PLEKHA5: variants seen among roughly 807,000 people sequenced by gnomAD.
The protein encoded by PLEKHA5 is pleckstrin homology domain containing A5.
A neutral mutation model predicts 181.9 loss-of-function variants in PLEKHA5; 55 were observed. The ratio of observed to expected loss-of-function variants is 0.30; its 90% CI spans 0.24 to 0.38. The LOEUF is 0.38. PLEKHA5 is among the 10% of genes least tolerant of loss of function. The pLI is 1.00. For synonymous variants in PLEKHA5, 535 were observed against 529.4 expected (o/e 1.01, Z -0.15); for missense variants, 1,432 against 1,549.5 (o/e 0.92, Z 1.27).
At chr12:19,307,052 CA>C (rs2084108765) in intron 15 of PLEKHA5, 2 of 1,434,184 alleles carry the variant, frequency 1.4e-6, no homozygotes, top group Admixed American at 3.4e-5. Flanking sequence ...CTTCCTGGAG[CA>C]AACTTGAACT....
intron 3 of PLEKHA5, among the ~76,000 whole-genome samples, chr12:19,247,215 G>T (rs1361515918): frequency 1.3e-5 from 2 of 152,176 alleles, no homozygotes; most frequent in African/African-American, 4.8e-5. Context: ...TACAGTTTTA[G>T]TTATTTATAT....
chr12:19,280,040 T>TG (rs1158221247), intron 11 of PLEKHA5, among the ~76,000 whole-genome samples: 2 of 98,430 alleles, frequency 2.0e-5, no homozygotes, highest in African/African-American at 1.1e-4. Context: ...AAACCTGTTT[T>TG]TTTTTTTTTT....
chr12:19,288,334 G>A (rs1317419829), intron 13 of PLEKHA5, among the ~76,000 whole-genome samples: 2 of 152,176 alleles, frequency 1.3e-5, no homozygotes, highest in African/African-American at 4.8e-5. Context: ...ATCAAAGCAA[G>A]TATTTACCAT....
At chr12:19,181,662 G>A (rs528646099) in intron 3 of PLEKHA5, among the ~76,000 whole-genome samples, 97 of 152,262 alleles carry the variant, frequency 6.4e-4, no homozygotes, top group Non-Finnish European at 1.2e-3. Flanking sequence ...TGTAATCCCA[G>A]CTGCTCGGGA....
intron 3 of PLEKHA5, among the ~76,000 whole-genome samples, chr12:19,173,718 G>A (rs2046545149): frequency 6.6e-6 from 1 of 152,138 alleles, no homozygotes; most frequent in Non-Finnish European, 1.5e-5. Context: ...ATAGCTTAAG[G>A]TGTCATGTTT....
chr12:19,151,443 C>T (rs994939696), intron 3 of PLEKHA5: 4 of 124,826 alleles, frequency 3.2e-5, no homozygotes, highest in East Asian at 4.6e-4. Context: ...CAGTAGACTC[C>T]TAGAGAAAGG....
intron 3 of PLEKHA5, among the ~76,000 whole-genome samples, chr12:19,204,929 G>T (rs1022049811): frequency 3.3e-5 from 5 of 152,020 alleles, no homozygotes; most frequent in African/African-American, 1.2e-4. Flanking sequence ...ATTTATCACT[G>T]GTCCCATTTA....
At chr12:19,363,138 TG>T (rs2095312513) in intron 29 of PLEKHA5, among the ~76,000 whole-genome samples, 1 of 151,064 alleles carries the variant, frequency 6.6e-6, no homozygotes, top group African/African-American at 2.4e-5. Context: ...TTTTTGTTGT[TG>T]TTTTTTTGTT....
chr12:19,240,597 C>T (rs2062359967), intron 3 of PLEKHA5, among the ~76,000 whole-genome samples: 1 of 150,638 alleles, frequency 6.6e-6, no homozygotes, highest in East Asian at 1.9e-4. Context: ...TGCACCACCT[C>T]ACCTGGCTAA....
At position 19,287,469 on chromosome 12, in the gene PLEKHA5, C is replaced by T; in HGVS notation, c.1780-4C>T. 1.3e-6 allele frequency: 2 copies of T among 1,595,456 alleles called. No individual in the cohort carries two copies. The highest frequency in any genetic ancestry group is 1.7e-6 in the Non-Finnish European group (2 of 1,166,480). Reference sequence around the variant, plus strand: ...AGAATTACATTGTGCCTTTACTTTCCTAGCATGTCTATGTGCCTGACAGAA... The same window carrying T: ...AGAATTACATTGTGCCTTTACTTTCTTAGCATGTCTATGTGCCTGACAGAA... On this transcript the variant is annotated splice_polypyrimidine_tract_variant and splice_region_variant and intron_variant, in intron 12 of 31. Transcript: ENST00000429027.
At chr12:19,333,274 A>C (rs1358742810) in intron 20 of PLEKHA5, among the ~76,000 whole-genome samples, 1 of 151,148 alleles carries the variant, frequency 6.6e-6, no homozygotes, top group Non-Finnish European at 1.5e-5. Context: ...AACAAGAGTG[A>C]AACTCCATCT....
intron 16 of PLEKHA5, among the ~76,000 whole-genome samples, chr12:19,315,668 G>A (rs536434913): frequency 6.6e-6 from 1 of 152,200 alleles, no homozygotes; most frequent in South Asian, 2.1e-4. Context: ...TCTGGCGTAT[G>A]ACCTTTACAA....
chr12:19,250,846 C>G (rs371058554), intron 3 of PLEKHA5, among the ~76,000 whole-genome samples: 2 of 151,794 alleles, frequency 1.3e-5, no homozygotes, highest in South Asian at 2.1e-4. Flanking sequence ...CATGTGTGTC[C>G]CTAAAAATCA....
At chr12:19,259,490 C>T (rs1339017070) in intron 6 of PLEKHA5, among the ~76,000 whole-genome samples, 1 of 152,054 alleles carries the variant, frequency 6.6e-6, no homozygotes, top group Admixed American at 6.5e-5. Context: ...ATGGCTCACA[C>T]CTGTTATTCC....
intron 20 of PLEKHA5, 98 bp downstream of exon 20, chr12:19,322,765 C>T: frequency 1.4e-6 from 1 of 727,852 alleles, no homozygotes; most frequent in Non-Finnish European, 2.3e-6. Flanking sequence ...TAGGATTCTT[C>T]TATATTATTA....
rs541785980 is a variant in PLEKHA5 at position 19,233,309 on chromosome 12, C to T, written c.228-20631C>T. Among the ~76,000 whole-genome samples, 9 of 152,118 alleles carry T rather than the reference C, an allele frequency of 5.9e-5. No individual in the cohort carries two copies. The South Asian group carries it at 1.7e-3, about 28-fold the overall frequency. On this transcript the variant is annotated intron_variant, in intron 3 of 31. Coordinates refer to ENST00000429027, the MANE Select transcript of PLEKHA5 (RefSeq NM_001256470.2). ...ATTTAATGTGCAGTTGTGCTTTTCT[C>T]GTACTAGTATTTTTCTGATCTGAAC...
chr12:19,242,327 G>A (rs545682641), intron 3 of PLEKHA5, among the ~76,000 whole-genome samples: 166 of 151,820 alleles, frequency 1.1e-3, no homozygotes, highest in Non-Finnish European at 2.0e-3. Context: ...CAGCCTCCGC[G>A]TCCTGGGTTC....
intron 3 of PLEKHA5, among the ~76,000 whole-genome samples, chr12:19,195,958 G>A (rs910949744): frequency 1.3e-5 from 2 of 151,922 alleles, no homozygotes; most frequent in Non-Finnish European, 2.9e-5. Flanking sequence ...TCTCTTTGTT[G>A]CAATTAAATA....
intron 20 of PLEKHA5, among the ~76,000 whole-genome samples, chr12:19,325,290 C>T (rs2091826912): frequency 6.6e-6 from 1 of 152,096 alleles, no homozygotes; most frequent in Non-Finnish European, 1.5e-5. Context: ...ACTTAGGAGA[C>T]TGAGGTGGGA....
Sources: gnomAD v4.1 joint callset for allele counts (sites outside exome capture counted in the v4.1 genomes callset) on GRCh38, gnomAD v4.1.1 for gene constraint, MANE v1.5 for transcripts, NCBI Gene and HGNC (gene_info 2026-07-23, HGNC 2026-07-21) for gene names.